Variants in PROS1 observed in about 807,000 individuals in gnomAD.
PROS1 encodes protein S.
PROS1 carries 29 observed loss-of-function variants against 75.9 expected under a neutral mutation model. The ratio of observed to expected loss-of-function variants is 0.38; its 90% CI spans 0.28 to 0.52. The LOEUF is 0.52. PROS1 is among the 20% of genes least tolerant of loss of function. PROS1 has a pLI of 0.83. For synonymous variants in PROS1, 245 were observed against 280.6 expected (o/e 0.87, Z 1.27); for missense variants, 680 against 810.3 (o/e 0.84, Z 1.95).
In PROS1 at chr3:93,898,493, A is replaced by T; in HGVS notation, c.804T>A (p.Asp268Glu). ...GGGCAAGTTTGAATCCTTTCTTCCCATCACAATAGCAAGTGTAACCTCCAG... is the reference window on the plus strand; with the variant it reads ...GGGCAAGTTTGAATCCTTTCTTCCCTTCACAATAGCAAGTGTAACCTCCAG... Reference protein sequence around the residue: ...NYPGGYTCYCDGKKGFKLAQD... With the variant: ...NYPGGYTCYCEGKKGFKLAQD... Residue 268 changes from aspartate (D) to glutamate (E), a missense_variant, in exon 8 of 15, where the codon GAT (aspartate) becomes GAA (glutamate). Coordinates refer to ENST00000394236, the MANE Select transcript of PROS1 (RefSeq NM_000313.4). 1 of 1,612,894 alleles carries T rather than the reference A, an allele frequency of 6.2e-7. No homozygotes were observed. Among genetic ancestry groups the T allele is most frequent in the Non-Finnish European group, 8.5e-7 (1 of 1,179,080 alleles).
At chr3:93,951,669 A>G (rs1205376709) in intron 1 of PROS1, among the ~76,000 whole-genome samples, 1 of 152,246 alleles carries the variant, frequency 6.6e-6, no homozygotes, top group Non-Finnish European at 1.5e-5. Flanking sequence ...CATCGATGCT[A>G]GGAAGAAACT....
chr3:93,887,785 C>G (rs1708371708), intron 10 of PROS1, among the ~76,000 whole-genome samples: 1 of 152,136 alleles, frequency 6.6e-6, no homozygotes. Context: ...CAGCTCAGGC[C>G]CCAGACCTTT....
intron 1 of PROS1, among the ~76,000 whole-genome samples, chr3:93,971,737 G>A (rs1250903323): frequency 4.6e-5 from 7 of 152,014 alleles, no homozygotes; most frequent in East Asian, 1.9e-4. Flanking sequence ...TCGGGAGGGG[G>A]AGGTTGCCAT....
At chr3:93,880,922 C>A (rs1286919158) in intron 12 of PROS1, among the ~76,000 whole-genome samples, 1 of 152,140 alleles carries the variant, frequency 6.6e-6, no homozygotes, top group Non-Finnish European at 1.5e-5. Context: ...TTAATCCTCA[C>A]CCCATTTATA....
At chr3:93,897,180 G>A (rs1229181981) in intron 8 of PROS1, among the ~76,000 whole-genome samples, 2 of 152,018 alleles carry the variant, frequency 1.3e-5, no homozygotes, top group Non-Finnish European at 2.9e-5. Context: ...GTGCTATCTA[G>A]ATAGTAAAGG....
chr3:93,885,678 C>A (rs1708335835), intron 11 of PROS1, among the ~76,000 whole-genome samples: 2 of 152,142 alleles, frequency 1.3e-5, no homozygotes, highest in South Asian at 4.1e-4. Context: ...ATGATTGATA[C>A]TTTTTGAATA....
At chr3:93,959,852 A>G (rs1709674118) in intron 1 of PROS1, among the ~76,000 whole-genome samples, 1 of 152,220 alleles carries the variant, frequency 6.6e-6, no homozygotes. Context: ...ATCAGCTGTT[A>G]CCATATTTTT....
chr3:93,905,685 C>T (rs1411068765), intron 6 of PROS1, 99 bp downstream of exon 6: 1 of 1,305,812 alleles, frequency 7.7e-7, no homozygotes, highest in African/African-American at 1.5e-5. Context: ...AGTATAAGCA[C>T]TTACATATCA....
intron 1 of PROS1, among the ~76,000 whole-genome samples, chr3:93,944,078 T>C (rs1040978308): frequency 6.6e-6 from 1 of 152,130 alleles, no homozygotes; most frequent in Non-Finnish European, 1.5e-5. Context: ...GACAGTAAAA[T>C]AATCAGACTG....
Position 93,879,266 on chromosome 3 carries a change from A to T in PROS1, c.1541T>A (p.Ile514Asn). The change falls in exon 13 of 15, where the codon ATT becomes AAT. Residue 514 changes from isoleucine (I) to asparagine (N), a missense_variant. Coordinates refer to ENST00000394236, the MANE Select transcript of PROS1 (RefSeq NM_000313.4). ...AACACCAGTGCCCGTGGATGGACGA[A>T]TATTCAAGGTCACATTTACATGCCA... ...EGWHVNVTLN[I>N]RPSTGTGVML... is the part of the protein sequence containing the mutation. 6.2e-7 allele frequency: 1 copy of T among 1,614,086 alleles called. No homozygotes were observed. Among genetic ancestry groups the T allele is most frequent in the Non-Finnish European group, 8.5e-7 (1 of 1,179,950 alleles).
At chr3:93,965,782 C>G (rs1478368005) in intron 1 of PROS1, among the ~76,000 whole-genome samples, 1 of 152,148 alleles carries the variant, frequency 6.6e-6, no homozygotes, top group African/African-American at 2.4e-5. Context: ...GCAGCCTTCA[C>G]CTCCCAGGTC....
intron 13 of PROS1, 148 bp from the exon 14 acceptor site, chr3:93,877,339 CTAAT>C: frequency 3.4e-6 from 2 of 585,768 alleles, no homozygotes; most frequent in Non-Finnish European, 6.0e-6. Flanking sequence ...GGAAAAATCA[CTAAT>C]TATTATAAGA....
At chr3:93,971,734 G>C (rs560202758) in intron 1 of PROS1, among the ~76,000 whole-genome samples, 5 of 151,624 alleles carry the variant, frequency 3.3e-5, no homozygotes, top group African/African-American at 1.2e-4. Flanking sequence ...AGCTCGGGAG[G>C]GGGAGGTTGC....
At chr3:93,961,400 T>C (rs1000316957) in intron 1 of PROS1, among the ~76,000 whole-genome samples, 2 of 152,200 alleles carry the variant, frequency 1.3e-5, no homozygotes, top group African/African-American at 4.8e-5. Flanking sequence ...TGCCATGTTA[T>C]GGTGAGGGCC....
chr3:93,906,442 C>A, intron 4 of PROS1, among the ~76,000 whole-genome samples: 1 of 152,184 alleles, frequency 6.6e-6, no homozygotes, highest in East Asian at 1.9e-4. Flanking sequence ...CAGATAGGAG[C>A]CCCACACTCC....
intron 1 of PROS1, among the ~76,000 whole-genome samples, chr3:93,973,020 C>A: frequency 6.6e-6 from 1 of 152,106 alleles, no homozygotes; most frequent in East Asian, 1.9e-4. Flanking sequence ...GAACCTGAAA[C>A]ACAAAGATAA....
intron 1 of PROS1, among the ~76,000 whole-genome samples, chr3:93,938,235 C>T (rs191914377): frequency 2.4e-4 from 36 of 152,248 alleles, no homozygotes; most frequent in Admixed American, 2.2e-3. Flanking sequence ...CCATTGAGCA[C>T]CTTGTAACCC....
At chr3:93,901,007 T>G in intron 6 of PROS1, 78 bp from the exon 7 acceptor site, 2 of 1,506,080 alleles carry the variant, frequency 1.3e-6, no homozygotes, top group South Asian at 2.3e-5. Flanking sequence ...GATTTGTGTT[T>G]CCTGGATCTT....
At chr3:93,954,071 A>G (rs1476072934) in intron 1 of PROS1, among the ~76,000 whole-genome samples, 2 of 152,224 alleles carry the variant, frequency 1.3e-5, no homozygotes, top group African/African-American at 2.4e-5. Flanking sequence ...ACGAAATAAA[A>G]GAGGACACAC....
Sources: gnomAD v4.1 joint callset for allele counts (sites outside exome capture counted in the v4.1 genomes callset) on GRCh38, gnomAD v4.1.1 for gene constraint, MANE v1.5 for transcripts, NCBI Gene and HGNC (gene_info 2026-07-23, HGNC 2026-07-21) for gene names.